Variants in FBXL17 observed in about 807,000 individuals in gnomAD.
FBXL17 encodes the protein F-box and leucine rich repeat protein 17, also known as F-box/LRR-repeat protein 17.
FBXL17 carries 22 observed loss-of-function variants against 66.2 expected under a neutral mutation model. That is an observed-to-expected ratio of 0.33 (90% CI 0.24 to 0.47). The LOEUF (loss-of-function observed/expected upper bound fraction) is 0.47. FBXL17 is among the 20% of genes least tolerant of loss of function. The probability of loss-of-function intolerance (pLI) is 1.00; values close to 1 mark genes in which losing one functional copy is unlikely to be tolerated. For synonymous variants in FBXL17, 474 were observed against 400.5 expected (o/e 1.18, Z -2.19); for missense variants, 878 against 948.2 (o/e 0.93, Z 0.97).
At chr5:108,192,549 C>T (rs921794498) in intron 5 of FBXL17, among the ~76,000 whole-genome samples, 1 of 152,046 alleles carries the variant, frequency 6.6e-6, no homozygotes, top group African/African-American at 2.4e-5. Context: ...GAAACATAAG[C>T]TTGGTGGATT....
At chr5:108,004,934 A>G (rs1016335504) in intron 7 of FBXL17, among the ~76,000 whole-genome samples, 1 of 152,158 alleles carries the variant, frequency 6.6e-6, no homozygotes, top group Non-Finnish European at 1.5e-5. Flanking sequence ...CCCAACCCTA[A>G]GAAATTAGAT....
chr5:108,123,170 T>C (rs1017851439), intron 6 of FBXL17, among the ~76,000 whole-genome samples: 1 of 151,806 alleles, frequency 6.6e-6, no homozygotes, highest in African/African-American at 2.4e-5. Context: ...TTTGCTTTTT[T>C]TAATTGCCAC....
intron 7 of FBXL17, among the ~76,000 whole-genome samples, chr5:108,003,939 C>G (rs1321155061): frequency 6.6e-6 from 1 of 151,994 alleles, no homozygotes; most frequent in Non-Finnish European, 1.5e-5. Flanking sequence ...TTTCCCCAAA[C>G]TAATTAAAGA....
At chr5:108,122,307 C>T (rs1221159896) in intron 6 of FBXL17, among the ~76,000 whole-genome samples, 1 of 152,134 alleles carries the variant, frequency 6.6e-6, no homozygotes, top group African/African-American at 2.4e-5. Flanking sequence ...TTAGGTCACA[C>T]AGCTAATACA....
In FBXL17 at chr5:108,256,596, T is replaced by C. The variant is rs962687433; in HGVS notation, c.1507-32368A>G. 2.6e-5 allele frequency among the ~76,000 whole-genome samples: 4 copies of C among 152,258 alleles called. No homozygotes were observed. In the East Asian group the frequency reaches 7.7e-4, roughly 29 times the overall value. ...ATTGCTACTTCTTGATTTCAAGTTT[T>C]AGGCATTTGACTTTTCAAATATGAA... is the stretch of plus-strand genomic sequence containing the variant. On this transcript the variant is annotated intron_variant, in intron 4 of 8. Coordinates refer to ENST00000542267, the MANE Select transcript of FBXL17 (RefSeq NM_001163315.3).
rs187357419 is a variant in FBXL17, at chr5:108,046,370, T to A, written c.1746-25369A>T. 2.0e-5 allele frequency among the ~76,000 whole-genome samples: 3 copies of A among 152,314 alleles called. No homozygotes were observed. In the East Asian group the frequency reaches 5.8e-4, roughly 29 times the overall value. On this transcript the variant is annotated intron_variant, in intron 6 of 8. Coordinates refer to ENST00000542267, the MANE Select transcript of FBXL17 (RefSeq NM_001163315.3). ...GAGTTTATTAAACACAGCATATACT[T>A]GGGTCATGTTTTAAAATCAACTCTG...
At chr5:108,292,307 G>A (rs1234380014) in intron 4 of FBXL17, among the ~76,000 whole-genome samples, 3 of 151,952 alleles carry the variant, frequency 2.0e-5, no homozygotes, top group Non-Finnish European at 2.9e-5. Flanking sequence ...TTTTAGTAGA[G>A]ATAGGGTTTC....
chr5:108,347,923 C>A (rs372678498), intron 4 of FBXL17, among the ~76,000 whole-genome samples: 11 of 152,188 alleles, frequency 7.2e-5, no homozygotes, highest in South Asian at 4.1e-4. Context: ...AATATAAAAT[C>A]TATGTAATTG....
chr5:108,231,839 A>G (rs2150086371), intron 4 of FBXL17, among the ~76,000 whole-genome samples: 1 of 152,288 alleles, frequency 6.6e-6, no homozygotes, highest in South Asian at 2.1e-4. Flanking sequence ...GGAGTACAGG[A>G]GATCCATTAG....
chr5:108,235,986 A>T (rs1755584149), intron 4 of FBXL17, among the ~76,000 whole-genome samples: 1 of 151,612 alleles, frequency 6.6e-6, no homozygotes, highest in African/African-American at 2.4e-5. Context: ...GGCTTCACAA[A>T]GCTAAGGAGA....
chr5:108,051,017 C>T (rs555356862), intron 6 of FBXL17, among the ~76,000 whole-genome samples: 8 of 152,254 alleles, frequency 5.3e-5, no homozygotes, highest in African/African-American at 1.9e-4. Context: ...GACAGATACA[C>T]CTTCCAAAGA....
chr5:108,089,833 G>T (rs1749122680), intron 6 of FBXL17, among the ~76,000 whole-genome samples: 1 of 152,110 alleles, frequency 6.6e-6, no homozygotes, highest in African/African-American at 2.4e-5. Context: ...TGTTGTTGTT[G>T]TTGTTTTGTA....
intron 4 of FBXL17, chr5:108,299,573 C>T: frequency 2.1e-6 from 2 of 971,078 alleles, no homozygotes; most frequent in Non-Finnish European, 1.2e-6. Flanking sequence ...TCCAGAAAAG[C>T]TCCCTGGCGT....
At chr5:108,302,270 A>T in intron 4 of FBXL17, among the ~76,000 whole-genome samples, 1 of 151,828 alleles carries the variant, frequency 6.6e-6, no homozygotes, top group East Asian at 1.9e-4. Flanking sequence ...TGAATACACC[A>T]ACATATTGTA....
At chr5:107,962,629 A>G (rs1751960154) in intron 7 of FBXL17, among the ~76,000 whole-genome samples, 1 of 152,096 alleles carries the variant, frequency 6.6e-6, no homozygotes, top group Non-Finnish European at 1.5e-5. Context: ...TTTAAAAGTT[A>G]TCTATGAGCT....
chr5:108,022,823 T>C (rs1261053498), intron 6 of FBXL17, among the ~76,000 whole-genome samples: 2 of 152,094 alleles, frequency 1.3e-5, no homozygotes, highest in African/African-American at 2.4e-5. Flanking sequence ...TGTTAGTACA[T>C]AAGCAACAAG....
At chr5:107,893,845 C>T (rs1187453621) in intron 7 of FBXL17, among the ~76,000 whole-genome samples, 1 of 152,076 alleles carries the variant, frequency 6.6e-6, no homozygotes, top group Non-Finnish European at 1.5e-5. Context: ...TGACAATTGG[C>T]AACATTCACT....
intron 6 of FBXL17, among the ~76,000 whole-genome samples, chr5:108,054,094 C>T (rs1747590506): frequency 6.6e-6 from 1 of 152,184 alleles, no homozygotes; most frequent in South Asian, 2.1e-4. Context: ...AAGAACAGCA[C>T]ACACCAGGGT....
At chr5:107,934,065 T>A (rs1286637564) in intron 7 of FBXL17, among the ~76,000 whole-genome samples, 1 of 152,174 alleles carries the variant, frequency 6.6e-6, no homozygotes, top group Non-Finnish European at 1.5e-5. Flanking sequence ...GGTGCTACAC[T>A]GTGAGATCTG....
Sources: gnomAD v4.1 joint callset for allele counts (sites outside exome capture counted in the v4.1 genomes callset) on GRCh38, gnomAD v4.1.1 for gene constraint, MANE v1.5 for transcripts, NCBI Gene and HGNC (gene_info 2026-07-23, HGNC 2026-07-21) for gene names.